Variants in TTN observed in about 807,000 individuals in gnomAD.
The protein encoded by TTN is titin.
A neutral mutation model predicts 3,223.0 loss-of-function variants in TTN; 1,525 were observed. That is an observed-to-expected ratio of 0.47 (90% CI 0.45 to 0.49). TTN has a LOEUF of 0.49. Among genes scored for constraint, TTN ranks in the 20% least tolerant of loss-of-function variants. The pLI, the probability that TTN is intolerant of heterozygous loss-of-function variation, is 0.00. For synonymous variants in TTN, 14,094 were observed against 15,161.0 expected (o/e 0.93, Z 5.17); for missense variants, 40,786 against 43,424.0 (o/e 0.94, Z 5.40).
At position 178,573,524 on chromosome 2, in the gene TTN, T is replaced by A. The variant is rs1235190476; in HGVS notation, c.72608A>T (p.Tyr24203Phe). Reference protein sequence around the residue: ...YIFRVMAVNKYGVGEPLESEP... With the variant: ...YIFRVMAVNKFGVGEPLESEP... ...TGATTCCAGTGGCTCTCCCACTCCA[T>A]ATTTATTTACAGCCATGACACGGAA... Residue 24203 changes from tyrosine to phenylalanine, a missense_variant, in exon 326 of 363, where the codon TAT becomes TTT. By Grantham distance (22) the Tyr-to-Phe change is conservative. Transcript: ENST00000589042. 1 of 1,497,736 alleles carries A rather than the reference T, an allele frequency of 6.7e-7. No homozygotes were observed. Among genetic ancestry groups the A allele is most frequent in the Non-Finnish European group, 8.9e-7 (1 of 1,126,378 alleles). 92.8% of individuals were successfully genotyped at this position (1,497,736 alleles called of 1,614,324 possible).
chr2:178,633,152 C>T, intron 233 of TTN, 35 bp downstream of exon 233: 1 of 1,604,502 alleles, frequency 6.2e-7, no homozygotes, highest in African/African-American at 1.3e-5. Flanking sequence ...AACCAAGCAA[C>T]CCCTCTCCTA....
chr2:178,711,379 C>T, intron 96 of TTN, 30 bp from the exon 97 acceptor site: 2 of 1,526,392 alleles, frequency 1.3e-6, no homozygotes, highest in African/African-American at 1.4e-5. Context: ...GTAACAAATA[C>T]TTTAATTTAC....
rs749227850 is a variant in TTN at position 178,652,175 on chromosome 2, T to G, written c.39216A>C (p.Pro13072=). The part of the protein sequence containing the change: ...KKPEVPPTKV[P]EVPKVAVPEK... ...CTGGGACAGCTACCTTTGGCACCTC[T>G]GGGACTTTAAAAGATATTATTATTT... Residue 13072 remains proline, a synonymous_variant, in exon 204 of 363, where the codon CCA becomes CCC. Coordinates refer to ENST00000589042, the MANE Select transcript of TTN (RefSeq NM_001267550.2). 17 of 1,612,158 alleles carry G rather than the reference T, an allele frequency of 1.1e-5. 1 individual carries two copies. The highest frequency in any genetic ancestry group is 5.0e-5 in the Admixed American group (3 of 59,968).
In TTN at chr2:178,733,014, C is replaced by G. The variant is rs796743868; in HGVS notation, c.16162G>C (p.Val5388Leu). ...TCTTTGCCATCCTTAAACCAGGACACCCTCATGGGGAGGGAGCCTGCAATT... is the reference window on the plus strand; with the variant it reads ...TCTTTGCCATCCTTAAACCAGGACAGCCTCATGGGGAGGGAGCCTGCAATT... ...CKIAGSLPMR[V>L]SWFKDGKEIA... Residue 5388 changes from valine to leucine, a missense_variant, in exon 55 of 363, where the codon GTG (valine) becomes CTG (leucine). Coordinates refer to ENST00000589042, the MANE Select transcript of TTN (RefSeq NM_001267550.2). 1 of 1,613,432 alleles carries G rather than the reference C, an allele frequency of 6.2e-7. No homozygotes were observed.
chr2:178,764,666 G>C lies in TTN; in HGVS notation c.9849C>G (p.Phe3283Leu), dbSNP rs780860026. The C allele has an allele frequency of 4.3e-6, 7 of 1,614,082 alleles. No individual in the cohort carries two copies. In the South Asian group the frequency reaches 7.7e-5, roughly 18 times the overall value. The part of the protein sequence containing the change: ...YKEEQLLSTG[F>L]KCKFLHDGQE... ...GCCCATCATGAAGAAATTTGCACTT[G>C]AAGCCAGTGGAAAGCAGCTGCTCTT... The change falls in exon 42 of 363, where the codon TTC (phenylalanine) becomes TTG (leucine). Residue 3283 changes from phenylalanine (F) to leucine (L), a missense_variant. By Grantham distance (22) the Phe-to-Leu change is conservative. Transcript: ENST00000589042.
At position 178,684,922 on chromosome 2, in the gene TTN, C is replaced by G. The variant is rs753667120; in HGVS notation, c.32538G>C (p.Lys10846Asn). The change falls in exon 130 of 363, where the codon AAG (lysine) becomes AAC (asparagine). Residue 10846 changes from lysine (K) to asparagine (N), a missense_variant. Physicochemically the swap from Lys to Asn is moderately conservative, Grantham distance 94. Coordinates refer to ENST00000589042, the MANE Select transcript of TTN (RefSeq NM_001267550.2). ...CCAATATACCTTTAGGTGGGGGCAC[C>G]TTTTCCTTTTTAGGAACTGGAGCAG... ...KVPAPVPKKE[K>N]VPPPKVPEEP... 6 of 1,608,062 alleles carry G rather than the reference C, an allele frequency of 3.7e-6. No individual in the cohort carries two copies. Among genetic ancestry groups the G allele is most frequent in the Non-Finnish European group, 5.1e-6 (6 of 1,176,942 alleles).
Position 178,546,690 on chromosome 2 carries a change from AAGT to A in TTN, c.94735_94737del (p.Thr31579del). 3.1e-6 allele frequency: 5 copies of A among 1,613,808 alleles called. No homozygotes were observed. The highest frequency in any genetic ancestry group is 4.2e-6 in the Non-Finnish European group (5 of 1,179,752). ...TTCTTGGCTAACACACGGAACTCAT[AAGT>A]GTCTCCTTCACTGAGAGCAGTCACG... On this transcript the variant is annotated inframe_deletion, in exon 341 of 363. Transcript: ENST00000589042.
chr2:178,568,871 A>G lies in TTN; in HGVS notation c.77261T>C (p.Leu25754Pro), dbSNP rs1369560200. The G allele has an allele frequency of 6.2e-7, 1 of 1,613,036 alleles. No individual in the cohort carries two copies. The highest frequency in any genetic ancestry group is 1.3e-5 in the African/African-American group (1 of 74,884). ...KWSECARVKSLQAVITNLTQG... is the reference protein window; with the variant it reads ...KWSECARVKSPQAVITNLTQG... ...AGTTAGGTTGGTAATTACTGCCTGA[A>G]GAGACTTTACTCGAGCACACTCTGA... Residue 25754 changes from leucine to proline, a missense_variant, in exon 326 of 363, where the codon CTT becomes CCT. By Grantham distance (98) the Leu-to-Pro change is moderately conservative (BLOSUM62 -3). Coordinates refer to ENST00000589042, the MANE Select transcript of TTN (RefSeq NM_001267550.2).
In TTN at chr2:178,591,680, T is replaced by G; in HGVS notation, c.60139A>C (p.Arg20047=). 1 of 1,613,482 alleles carries G rather than the reference T, an allele frequency of 6.2e-7. No homozygotes were observed. Among genetic ancestry groups the G allele is most frequent in the Non-Finnish European group, 8.5e-7 (1 of 1,179,568 alleles). The part of the protein sequence containing the change: ...VTGLQQGKTY[R]FRVKAENIVG... ...ATGTTTTCAGCTTTTACACGGAATC[T>G]ATAGGTCTTTCCTTGTTGTAGTCCA... Residue 20047 remains arginine (R), a synonymous_variant, in exon 303 of 363, where the codon AGA becomes CGA. Transcript: ENST00000589042.
chr2:178,699,930 T>C (rs2074653414), intron 111 of TTN, among the ~76,000 whole-genome samples: 1 of 150,526 alleles, frequency 6.6e-6, no homozygotes, highest in African/African-American at 2.4e-5. Context: ...GGTTTCATCG[T>C]GGTCTCGATC....
In TTN at chr2:178,749,837, G is replaced by C. The variant is rs531652058; in HGVS notation, c.11311+3287C>G. On this transcript the variant is annotated intron_variant, in intron 47 of 362. Coordinates refer to ENST00000589042, the MANE Select transcript of TTN (RefSeq NM_001267550.2). ...TCCATTTTGAAACCATGTTACAACT[G>C]GCTGGGGCTCACCAGATATTAAACA... The C allele has an allele frequency of 3.1e-6, 5 of 1,613,106 alleles. No individual in the cohort carries two copies. The South Asian group carries it at 4.4e-5, about 14-fold the overall frequency.
chr2:178,756,715 T>C lies in TTN; in HGVS notation c.10761A>G (p.Thr3587=). 1 of 1,613,824 alleles carries C rather than the reference T, an allele frequency of 6.2e-7. No homozygotes were observed. Among genetic ancestry groups the C allele is most frequent in the South Asian group, 1.1e-5 (1 of 91,084 alleles). ...TTTGAGATATTTTGCTCTCCTCCTT[T>C]GTGAAAGAGGAATCTGCCACTGCCT... ...KSQAVADSSF[T]KEESKISQKE... The change falls in exon 46 of 363, where the codon ACA becomes ACG. Residue 3587 remains threonine (T), a synonymous_variant. Coordinates refer to ENST00000589042, the MANE Select transcript of TTN (RefSeq NM_001267550.2).
In TTN at chr2:178,702,463, C is replaced by A; in HGVS notation, c.30424G>T (p.Asp10142Tyr). Residue 10142 changes from aspartate (D) to tyrosine (Y), a missense_variant, in exon 107 of 363, where the codon GAC becomes TAC. Coordinates refer to ENST00000589042, the MANE Select transcript of TTN (RefSeq NM_001267550.2). ...HYMTIHNVTPDDEGVYSVIAR... is the reference protein window; with the variant it reads ...HYMTIHNVTPYDEGVYSVIAR... ...CTGTCAATGAAATCACCTTCATCGT[C>A]TGGGGTCACATTGTGGATGGTCATA... is the stretch of plus-strand genomic sequence containing the variant. 3 of 1,613,818 alleles carry A rather than the reference C, an allele frequency of 1.9e-6. No homozygotes were observed. The highest frequency in any genetic ancestry group is 2.5e-6 in the Non-Finnish European group (3 of 1,179,856).
Position 178,537,524 on chromosome 2 carries a change from A to G in TTN, c.99683T>C (p.Met33228Thr). The change falls in exon 355 of 363, where the codon ATG (methionine) becomes ACG (threonine). Residue 33228 changes from methionine to threonine, a missense_variant. By Grantham distance (81) the Met-to-Thr change is moderately conservative. Transcript: ENST00000589042. ...AAGTTTCTGACCATGGAACCAAGTCATGGCAGGTACTGGACGACCAATGTA... is the reference window on the plus strand; with the variant it reads ...AAGTTTCTGACCATGGAACCAAGTCGTGGCAGGTACTGGACGACCAATGTA... Reference protein sequence around the residue: ...VMYIGRPVPAMTWFHGQKLLQ... With the variant: ...VMYIGRPVPATTWFHGQKLLQ... The G allele has an allele frequency of 6.2e-7, 1 of 1,613,778 alleles. No homozygotes were observed. The highest frequency in any genetic ancestry group is 1.3e-5 in the African/African-American group (1 of 75,032).
At position 178,546,911 on chromosome 2, in the gene TTN, A is replaced by G. The variant is rs775918383; in HGVS notation, c.94523-6T>C. ...CTCTGGTCTGCCTGGTGCATCTGGA[A>G]GGGATGCAAAAATAAGGTTAAAATA... On this transcript the variant is annotated splice_polypyrimidine_tract_variant and splice_region_variant and intron_variant, in intron 340 of 362. Coordinates refer to ENST00000589042, the MANE Select transcript of TTN (RefSeq NM_001267550.2). 1.3e-6 allele frequency: 2 copies of G among 1,575,566 alleles called. No individual in the cohort carries two copies. Among genetic ancestry groups the G allele is most frequent in the East Asian group, 4.5e-5 (2 of 44,420 alleles).
At chr2:178,768,595 AT>A in intron 38 of TTN, 77 bp downstream of exon 38, 2 of 1,597,260 alleles carry the variant, frequency 1.3e-6, no homozygotes, top group South Asian at 2.3e-5. Flanking sequence ...TTATTTATCC[AT>A]TCATTAATTG....
chr2:178,741,526 A>G lies in TTN; in HGVS notation c.11707T>C (p.Cys3903Arg). The G allele has an allele frequency of 6.2e-7, 1 of 1,613,858 alleles. No individual in the cohort carries two copies. Among genetic ancestry groups the G allele is most frequent in the Non-Finnish European group, 8.5e-7 (1 of 1,179,806 alleles). Residue 3903 changes from cysteine (C) to arginine (R), a missense_variant, in exon 48 of 363, where the codon TGT (cysteine) becomes CGT (arginine). Transcript: ENST00000589042. ...MASNDYGKTI[C>R]SAYLKINSKG... The stretch of plus-strand genomic sequence containing the variant: ...GAATTAATTTTTAGATAGGCACTAC[A>G]TATTGTCTTTCCATAGTCATTACTG...
At chr2:178,743,514 T>G (rs1429185214) in intron 47 of TTN, among the ~76,000 whole-genome samples, 1 of 151,954 alleles carries the variant, frequency 6.6e-6, no homozygotes, top group African/African-American at 2.4e-5. Flanking sequence ...ATTACAGAAT[T>G]CTAATGAGCA....
intron 69 of TTN, 105 bp downstream of exon 69, chr2:178,726,985 G>A: frequency 1.7e-6 from 2 of 1,165,588 alleles, no homozygotes; most frequent in Non-Finnish European, 2.2e-6. Flanking sequence ...AATATTCTAT[G>A]ATCTCAAATG....
Sources: gnomAD v4.1 joint callset for allele counts (sites outside exome capture counted in the v4.1 genomes callset) on GRCh38, gnomAD v4.1.1 for gene constraint, MANE v1.5 for transcripts, NCBI Gene and HGNC (gene_info 2026-07-23, HGNC 2026-07-21) for gene names.